Variants in PAMR1 observed in about 807,000 individuals in gnomAD.
The protein encoded by PAMR1 is inactive serine protease PAMR1.
A neutral mutation model predicts 81.8 loss-of-function variants in PAMR1; 88 were observed. That is an observed-to-expected ratio of 1.08 (90% CI 0.91 to 1.28). PAMR1 has a LOEUF of 1.28. PAMR1 is among the 50% of genes most tolerant of loss of function. The pLI is 0.00. For missense variants in PAMR1, 935 were observed against 919.7 expected, an observed-to-expected ratio of 1.02 and a Z score of -0.21; for synonymous variants, 336 against 345.3, an observed-to-expected ratio of 0.97 and a Z score of 0.30.
At chr11:35,489,578 C>T (rs781753788) in intron 3 of PAMR1, among the ~76,000 whole-genome samples, 2 of 152,230 alleles carry the variant, frequency 1.3e-5, no homozygotes, top group Non-Finnish European at 2.9e-5. Context: ...AGAACCATGT[C>T]TAAGCTCTGA....
chr11:35,498,802 C>T (rs1850775520), intron 1 of PAMR1, among the ~76,000 whole-genome samples: 2 of 152,192 alleles, frequency 1.3e-5, no homozygotes. Flanking sequence ...CCGTCTCAGG[C>T]CTTCACGTAA....
intron 3 of PAMR1, among the ~76,000 whole-genome samples, chr11:35,482,192 C>T (rs1850408583): frequency 6.6e-6 from 1 of 152,120 alleles, no homozygotes; most frequent in African/African-American, 2.4e-5. Context: ...GTATTTAATC[C>T]ACCTTGAGTT....
At chr11:35,451,114 G>T (rs1028536075) in intron 6 of PAMR1, among the ~76,000 whole-genome samples, 1 of 152,216 alleles carries the variant, frequency 6.6e-6, no homozygotes, top group Admixed American at 6.5e-5. Flanking sequence ...TGACAGGTAA[G>T]CCTGACAGTT....
intron 6 of PAMR1, among the ~76,000 whole-genome samples, chr11:35,467,409 T>C (rs530457179): frequency 1.3e-5 from 2 of 152,348 alleles, no homozygotes; most frequent in East Asian, 3.9e-4. Context: ...TCACATTCCA[T>C]GCTGATGGCT....
chr11:35,436,078 A>G lies in PAMR1; in HGVS notation c.1158T>C (p.Ser386=). 6.2e-7 allele frequency: 1 copy of G among 1,614,004 alleles called. No homozygotes were observed. The highest frequency in any genetic ancestry group is 8.5e-7 in the Non-Finnish European group (1 of 1,180,008). ...GAAGGGCTGGCTTCTTGGTAGGGGC[A>G]CTCTGCAGTTTCTGCTTGCTGAAGG... The part of the protein sequence containing the change: ...SAAFSKQKLQ[S]APTKKPALPF... Residue 386 remains serine, a synonymous_variant, in exon 9 of 11, where the codon AGT becomes AGC. Coordinates refer to ENST00000619888, the MANE Select transcript of PAMR1 (RefSeq NM_001001991.3).
At chr11:35,527,035 G>A (rs139952484), upstream of PAMR1, among the ~76,000 whole-genome samples, 226 of 152,236 alleles carry the variant, frequency 1.5e-3, 5 homozygotes, top group East Asian at 0.037. Flanking sequence ...AAAAGATAAG[G>A]GGAGAAACCT....
chr11:35,499,926 G>T (rs1253526364), intron 1 of PAMR1, among the ~76,000 whole-genome samples: 2 of 152,222 alleles, frequency 1.3e-5, no homozygotes, highest in East Asian at 3.8e-4. Context: ...CCCCCCGTAA[G>T]AGGGAGGCAG....
At chr11:35,506,538 C>T (rs1742539594) in intron 1 of PAMR1, among the ~76,000 whole-genome samples, 1 of 149,422 alleles carries the variant, frequency 6.7e-6, no homozygotes, top group Admixed American at 6.7e-5. Flanking sequence ...GACTTTATCT[C>T]TTTTTCCTAT....
Position 35,450,916 on chromosome 11 carries a change from T to G in PAMR1, c.821-9223A>C, listed in dbSNP as rs147123836. Among the ~76,000 whole-genome samples, 925 of 152,306 alleles carry G rather than the reference T, an allele frequency of 6.1e-3. 9 individuals are homozygous for G. The highest frequency in any genetic ancestry group is 0.022 in the African/African-American group (894 of 41,552). On this transcript the variant is annotated intron_variant, in intron 6 of 10. Transcript: ENST00000619888. Reference sequence around the variant, plus strand: ...GTGAATCTGCAGCCAATTAGCCTATTAAAGGGCTACAATTTGTGTAAATTA... The same window carrying G: ...GTGAATCTGCAGCCAATTAGCCTATGAAAGGGCTACAATTTGTGTAAATTA...
At chr11:35,524,370 G>A (rs189663370) in intron 1 of PAMR1, among the ~76,000 whole-genome samples, 150 of 152,288 alleles carry the variant, frequency 9.8e-4, no homozygotes, top group African/African-American at 3.3e-3. Flanking sequence ...GGGCAGGGGG[G>A]TTTGTGTATC....
intron 3 of PAMR1, 29 bp downstream of exon 3, chr11:35,492,016 G>A: frequency 6.3e-7 from 1 of 1,594,646 alleles, no homozygotes; most frequent in Admixed American, 1.7e-5. Context: ...GTGTGCACTA[G>A]AGATGGAGCT....
intron 3 of PAMR1, among the ~76,000 whole-genome samples, chr11:35,481,834 T>C (rs1443802918): frequency 6.6e-6 from 1 of 152,202 alleles, no homozygotes; most frequent in Non-Finnish European, 1.5e-5. Flanking sequence ...AAATGTCTTC[T>C]TTTGGGAAGT....
At chr11:35,497,921 A>G (rs1478012206) in intron 1 of PAMR1, among the ~76,000 whole-genome samples, 1 of 152,226 alleles carries the variant, frequency 6.6e-6, no homozygotes, top group African/African-American at 2.4e-5. Flanking sequence ...GGCTGAGAGA[A>G]TGAAGGGAAG....
intron 3 of PAMR1, among the ~76,000 whole-genome samples, chr11:35,486,151 C>T (rs1590365105): frequency 1.3e-5 from 2 of 152,264 alleles, no homozygotes; most frequent in East Asian, 3.9e-4. Context: ...AAACTCATTG[C>T]GGAATCATTG....
chr11:35,444,258 G>A (rs1856245701), intron 6 of PAMR1, among the ~76,000 whole-genome samples: 1 of 151,978 alleles, frequency 6.6e-6, no homozygotes. Context: ...TTTGTCAGTT[G>A]GATAGGTTCC....
chr11:35,487,642 C>G (rs1850535386), intron 3 of PAMR1, among the ~76,000 whole-genome samples: 2 of 152,204 alleles, frequency 1.3e-5, no homozygotes, highest in Admixed American at 6.5e-5. Flanking sequence ...TGCCCCAAAC[C>G]TTTGGTACTT....
intron 1 of PAMR1, among the ~76,000 whole-genome samples, chr11:35,500,893 T>A (rs1850822219): frequency 6.6e-6 from 1 of 152,096 alleles, no homozygotes; most frequent in Admixed American, 6.5e-5. Flanking sequence ...ATAAAAGATT[T>A]AAAAAATGGA....
intron 6 of PAMR1, among the ~76,000 whole-genome samples, chr11:35,463,049 G>A (rs1434556107): frequency 1.3e-5 from 2 of 152,218 alleles, no homozygotes; most frequent in African/African-American, 4.8e-5. Flanking sequence ...ATATGCATCT[G>A]TCCGTGATGG....
chr11:35,514,805 G>A (rs535889081), intron 1 of PAMR1, among the ~76,000 whole-genome samples: 2 of 152,244 alleles, frequency 1.3e-5, no homozygotes, highest in South Asian at 4.2e-4. Context: ...GGGCAACATA[G>A]CAAACCCACC....
Sources: gnomAD v4.1 joint callset for allele counts (sites outside exome capture counted in the v4.1 genomes callset) on GRCh38, gnomAD v4.1.1 for gene constraint, MANE v1.5 for transcripts, NCBI Gene and HGNC (gene_info 2026-07-23, HGNC 2026-07-21) for gene names.